The following VPS13B variants were observed in gnomAD, a reference collection of about 807,000 sequenced individuals.
The protein encoded by VPS13B is vacuolar protein sorting 13 homolog B, also known as intermembrane lipid transfer protein VPS13B.
VPS13B carries 285 observed loss-of-function variants against 426.4 expected under a neutral mutation model. That is an observed-to-expected ratio of 0.67 (90% CI 0.61 to 0.74). VPS13B has a LOEUF of 0.74. VPS13B is among the 30% of genes least tolerant of loss of function. VPS13B has a pLI of 0.00. For missense variants in VPS13B, 4,537 were observed against 4,782.6 expected (o/e 0.95, Z 1.51); for synonymous variants, 1,676 against 1,676.4 (o/e 1.00, Z 0.01).
At chr8:99,595,717 CAT>C (rs3043429) in intron 33 of VPS13B, among the ~76,000 whole-genome samples, 6,413 of 151,940 alleles carry the variant, frequency 0.042, 147 homozygotes, top group East Asian at 0.06. Flanking sequence ...ATTTGCTAAT[CAT>C]ATATTTGCAG....
chr8:99,645,982 A>G (rs1467052650), intron 34 of VPS13B, among the ~76,000 whole-genome samples: 2 of 152,276 alleles, frequency 1.3e-5, no homozygotes, highest in South Asian at 2.1e-4. Flanking sequence ...CTATAATGCT[A>G]ACTTTCATGG....
At chr8:99,361,162 T>C (rs1375663924) in intron 19 of VPS13B, among the ~76,000 whole-genome samples, 1 of 152,164 alleles carries the variant, frequency 6.6e-6, no homozygotes, top group Non-Finnish European at 1.5e-5. Flanking sequence ...ATAATGGCTG[T>C]TACTTGGAAT....
At chr8:99,480,447 CTTTA>C (rs1018528773) in intron 24 of VPS13B, among the ~76,000 whole-genome samples, 2 of 152,060 alleles carry the variant, frequency 1.3e-5, no homozygotes, top group East Asian at 1.9e-4. Context: ...TTTGCACTCT[CTTTA>C]TTTATCAGTT....
chr8:99,760,692 A>G (rs1810885661), intron 39 of VPS13B, among the ~76,000 whole-genome samples: 1 of 152,188 alleles, frequency 6.6e-6, no homozygotes, highest in South Asian at 2.1e-4. Context: ...TCGATGTGTT[A>G]AGGACAAATA....
chr8:99,281,612 A>T (rs1354520624), intron 19 of VPS13B, among the ~76,000 whole-genome samples: 1 of 152,228 alleles, frequency 6.6e-6, no homozygotes, highest in East Asian at 1.9e-4. Context: ...GGCAAAGGGA[A>T]CTGATGCAAA....
chr8:99,580,771 G>A (rs1826012415), intron 33 of VPS13B, among the ~76,000 whole-genome samples: 1 of 152,082 alleles, frequency 6.6e-6, no homozygotes, highest in East Asian at 1.9e-4. Context: ...AGGATCACTT[G>A]AGCCCCAGAG....
intron 21 of VPS13B, among the ~76,000 whole-genome samples, chr8:99,420,785 A>G (rs564474472): frequency 7.9e-5 from 12 of 152,306 alleles, no homozygotes; most frequent in Non-Finnish European, 1.6e-4. Flanking sequence ...GCCAGGCTCT[A>G]GAAGAAGGAC....
At chr8:99,226,298 G>A (rs2132843765) in intron 17 of VPS13B, among the ~76,000 whole-genome samples, 1 of 152,176 alleles carries the variant, frequency 6.6e-6, no homozygotes, top group African/African-American at 2.4e-5. Flanking sequence ...TGCTTAACCT[G>A]TTTTCCATTA....
chr8:99,308,156 T>C (rs1237775538), intron 19 of VPS13B, among the ~76,000 whole-genome samples: 2 of 152,032 alleles, frequency 1.3e-5, no homozygotes, highest in Non-Finnish European at 2.9e-5. Context: ...TTTAGACTTT[T>C]TTTTTGTTTT....
At chr8:99,148,512 TGAGAG>T (rs1810873236) in intron 14 of VPS13B, among the ~76,000 whole-genome samples, 3 of 152,188 alleles carry the variant, frequency 2.0e-5, no homozygotes. Context: ...AACTTAATCT[TGAGAG>T]TGTATAAAGA....
rs530387294 is a variant in VPS13B at position 99,051,937 on chromosome 8, T to C, written c.291+13371T>C. On this transcript the variant is annotated intron_variant, in intron 3 of 61. Transcript: ENST00000357162. ...AGCTTAAGGAGATTTTGGGATGAGA[T>C]GATGGGGTTTTCTCGATATACAATC... Among the ~76,000 whole-genome samples, 17 of 152,306 alleles carry C rather than the reference T, an allele frequency of 1.1e-4. No individual in the cohort carries two copies. The East Asian group carries it at 1.2e-3, about 10-fold the overall frequency.
chr8:99,542,216 C>T (rs910063898), intron 30 of VPS13B, among the ~76,000 whole-genome samples: 5 of 152,090 alleles, frequency 3.3e-5, no homozygotes, highest in African/African-American at 1.2e-4. Flanking sequence ...TTAAGCCCGG[C>T]CTTTATTATT....
chr8:99,289,022 C>A (rs1303007409), intron 19 of VPS13B, among the ~76,000 whole-genome samples: 1 of 124,530 alleles, frequency 8.0e-6, no homozygotes, highest in Non-Finnish European at 1.7e-5. Context: ...CATAGTGAGA[C>A]CCCTGCCTCT....
chr8:99,088,151 T>C (rs1845943048), intron 3 of VPS13B, among the ~76,000 whole-genome samples: 1 of 137,964 alleles, frequency 7.2e-6, no homozygotes, highest in Non-Finnish European at 1.5e-5. Flanking sequence ...GCCACTGTAC[T>C]CCAGACTGAG....
intron 54 of VPS13B, among the ~76,000 whole-genome samples, chr8:99,841,180 G>C (rs187514695): frequency 1.3e-3 from 197 of 152,216 alleles, no homozygotes; most frequent in Middle Eastern, 6.8e-3. Flanking sequence ...TTCCTACCTT[G>C]ATCAACTTAG....
intron 50 of VPS13B, among the ~76,000 whole-genome samples, chr8:99,822,050 A>T (rs1436862680): frequency 6.6e-6 from 1 of 152,248 alleles, no homozygotes; most frequent in African/African-American, 2.4e-5. Flanking sequence ...TGTGCTTTTC[A>T]GCATAAATCT....
intron 3 of VPS13B, among the ~76,000 whole-genome samples, chr8:99,041,681 G>A (rs531918411): frequency 7.2e-5 from 11 of 152,112 alleles, no homozygotes; most frequent in African/African-American, 1.7e-4. Context: ...GTGAAAACCC[G>A]TCCTTACTAA....
chr8:99,040,650 A>C (rs1842927545), intron 3 of VPS13B, among the ~76,000 whole-genome samples: 1 of 152,194 alleles, frequency 6.6e-6, no homozygotes, highest in Non-Finnish European at 1.5e-5. Context: ...TTTATATTCA[A>C]AGTATTTCAA....
chr8:99,097,216 A>T (rs1311148718), intron 4 of VPS13B, among the ~76,000 whole-genome samples: 3 of 152,218 alleles, frequency 2.0e-5, no homozygotes, highest in African/African-American at 7.2e-5. Context: ...TTAATGTATC[A>T]ATCCATTCTT....
Sources: gnomAD v4.1 joint callset for allele counts (sites outside exome capture counted in the v4.1 genomes callset) on GRCh38, gnomAD v4.1.1 for gene constraint, MANE v1.5 for transcripts, NCBI Gene and HGNC (gene_info 2026-07-23, HGNC 2026-07-21) for gene names.